The following CRPPA variants were observed in gnomAD, a reference collection of about 807,000 sequenced individuals.
CRPPA encodes CDP-L-ribitol pyrophosphorylase A, also known as D-ribitol-5-phosphate cytidylyltransferase.
Under a neutral mutation model 52.0 loss-of-function variants are expected in CRPPA, and 43 were observed. The observed-to-expected ratio is 0.83, with a 90% CI of 0.65 to 1.07. The LOEUF (loss-of-function observed/expected upper bound fraction) is 1.07, where lower values mean the gene tolerates loss of function less well. Among genes scored for constraint, CRPPA ranks in the 50% least tolerant of loss-of-function variants. CRPPA has a pLI of 0.00. For missense variants in CRPPA, 629 were observed against 551.7 expected (o/e 1.14, Z -1.40); for synonymous variants, 250 against 203.5 (o/e 1.23, Z -1.94).
chr7:16,262,203 T>A (rs1236759082), intron 6 of CRPPA: 2 of 152,166 alleles, frequency 1.3e-5, no homozygotes, highest in Non-Finnish European at 1.5e-5. Flanking sequence ...TCTGAAGAAT[T>A]TATTTATTTT....
rs76784778 is a variant in CRPPA, at chr7:16,167,770, C to T, written c.1251+48296G>A. Among the ~76,000 whole-genome samples, 36 of 152,314 alleles carry T rather than the reference C, an allele frequency of 2.4e-4. No individual in the cohort carries two copies. The East Asian group carries it at 6.7e-3, about 29-fold the overall frequency. ...TCCGCCTCAGGGCTCTTCCCTCTGC[C>T]TAAATATTTCTTTCCCATCTATTTA... On this transcript the variant is annotated intron_variant, in intron 9 of 9. Transcript: ENST00000407010.
At chr7:16,289,280 A>T (rs1298391481) in intron 5 of CRPPA, among the ~76,000 whole-genome samples, 1 of 152,198 alleles carries the variant, frequency 6.6e-6, no homozygotes, top group Non-Finnish European at 1.5e-5. Context: ...AAACATATCA[A>T]GAAGAACTGA....
At position 16,087,634 on chromosome 7, in the gene CRPPA, C is replaced by T. The variant is rs976350662; in HGVS notation, c.*4061G>A. The T allele has an allele frequency of 2.6e-5, 4 of 151,976 alleles. No individual in the cohort carries two copies. The highest frequency in any genetic ancestry group is 7.2e-5 in the African/African-American group (3 of 41,430). 9.4% of individuals were successfully genotyped at this position (151,976 alleles called of 1,614,324 possible). On this transcript the variant is annotated 3_prime_UTR_variant, in exon 10 of 10. Transcript: ENST00000407010. Reference sequence around the variant, plus strand: ...CTTAAAAATATGCATATGCTTCTTACAATTTTGAAACTGAAATTAATAAGA... The same window carrying T: ...CTTAAAAATATGCATATGCTTCTTATAATTTTGAAACTGAAATTAATAAGA...
chr7:16,183,780 G>A (rs904851830), intron 9 of CRPPA, among the ~76,000 whole-genome samples: 5 of 152,074 alleles, frequency 3.3e-5, no homozygotes, highest in Non-Finnish European at 7.4e-5. Flanking sequence ...TCAAAGGAAG[G>A]TGCCTAAGAG....
At chr7:16,391,328 C>T (rs990659908) in intron 2 of CRPPA, among the ~76,000 whole-genome samples, 1 of 152,148 alleles carries the variant, frequency 6.6e-6, no homozygotes, top group Non-Finnish European at 1.5e-5. Context: ...TCCCTGTCAA[C>T]TTCAAAGTAT....
intron 2 of CRPPA, among the ~76,000 whole-genome samples, chr7:16,397,887 G>T (rs1787653233): frequency 6.6e-6 from 1 of 152,072 alleles, no homozygotes; most frequent in African/African-American, 2.4e-5. Context: ...CGTGACCAAC[G>T]TGTGACCAAA....
chr7:16,339,169 A>G (rs1267736882), intron 3 of CRPPA, among the ~76,000 whole-genome samples: 1 of 152,172 alleles, frequency 6.6e-6, no homozygotes, highest in African/African-American at 2.4e-5. Context: ...CTATCAAAGC[A>G]GAGGGAATAC....
intron 9 of CRPPA, among the ~76,000 whole-genome samples, chr7:16,131,048 C>T (rs1782671634): frequency 6.6e-6 from 1 of 152,218 alleles, no homozygotes; most frequent in Non-Finnish European, 1.5e-5. Flanking sequence ...TTGCCAGTTT[C>T]TACAACTGTG....
chr7:16,264,719 T>C (rs1271207350), intron 6 of CRPPA, among the ~76,000 whole-genome samples: 6 of 152,212 alleles, frequency 3.9e-5, no homozygotes, highest in Non-Finnish European at 5.9e-5. Flanking sequence ...AAGTGACTTG[T>C]AGAGAGATGT....
chr7:16,413,618 T>G (rs1562692325), intron 1 of CRPPA, among the ~76,000 whole-genome samples: 2 of 152,228 alleles, frequency 1.3e-5, no homozygotes, highest in African/African-American at 4.8e-5. Flanking sequence ...TGGACTAACA[T>G]TTATATCTTT....
At chr7:16,170,593 AC>A (rs1781160081) in intron 9 of CRPPA, among the ~76,000 whole-genome samples, 1 of 152,206 alleles carries the variant, frequency 6.6e-6, no homozygotes. Context: ...GTGGAAGAGA[AC>A]CCAAGTGGGT....
At chr7:16,120,007 C>A (rs1782451058) in intron 9 of CRPPA, among the ~76,000 whole-genome samples, 1 of 152,084 alleles carries the variant, frequency 6.6e-6, no homozygotes, top group Admixed American at 6.6e-5. Flanking sequence ...GGAAGTCAAG[C>A]TGGCAAGGAG....
chr7:16,359,617 C>T lies in CRPPA; in HGVS notation c.684+16475G>A, dbSNP rs76096626. Among the ~76,000 whole-genome samples the T allele has an allele frequency of 5.9e-3, 902 of 152,268 alleles. 8 individuals are homozygous for T. The highest frequency in any genetic ancestry group is 0.02 in the African/African-American group (824 of 41,546). ...TTAAGATGCAGATTCTTAAAGATTA[C>T]GATATGCCTTTCAGTTAATTTTTAT... On this transcript the variant is annotated intron_variant, in intron 3 of 9. Transcript: ENST00000407010.
At chr7:16,105,304 G>A (rs1188978265) in intron 9 of CRPPA, among the ~76,000 whole-genome samples, 1 of 152,174 alleles carries the variant, frequency 6.6e-6, no homozygotes, top group African/African-American at 2.4e-5. Flanking sequence ...AATGAGAAAG[G>A]TAAGAAGAAT....
chr7:16,379,809 A>C (rs1184549158), intron 2 of CRPPA, among the ~76,000 whole-genome samples: 6 of 152,170 alleles, frequency 3.9e-5, no homozygotes, highest in Admixed American at 2.0e-4. Flanking sequence ...TTGATGTATA[A>C]GAATGCTTGT....
chr7:16,244,225 T>C (rs1385641417), intron 8 of CRPPA, among the ~76,000 whole-genome samples: 1 of 152,178 alleles, frequency 6.6e-6, no homozygotes, highest in East Asian at 1.9e-4. Context: ...CAATTTATCT[T>C]AGCTAACAAA....
At chr7:16,167,021 C>CG (rs1781081634) in intron 9 of CRPPA, among the ~76,000 whole-genome samples, 3 of 151,628 alleles carry the variant, frequency 2.0e-5, no homozygotes, top group Non-Finnish European at 4.4e-5. Flanking sequence ...CTCTGCCTCC[C>CG]GGGTTCACAC....
intron 9 of CRPPA, among the ~76,000 whole-genome samples, chr7:16,109,442 A>T (rs73071825): frequency 0.28 from 42,934 of 151,772 alleles, 7,661 homozygotes; most frequent in Admixed American, 0.39. Flanking sequence ...GGAAAAGTCT[A>T]GGACCTGAGG....
chr7:16,197,660 A>G (rs1407230235), intron 9 of CRPPA, among the ~76,000 whole-genome samples: 2 of 151,386 alleles, frequency 1.3e-5, no homozygotes, highest in Non-Finnish European at 2.9e-5. Context: ...AATATAAAGT[A>G]GTAAGAACTG....
Sources: gnomAD v4.1 joint callset for allele counts (sites outside exome capture counted in the v4.1 genomes callset) on GRCh38, gnomAD v4.1.1 for gene constraint, MANE v1.5 for transcripts, NCBI Gene and HGNC (gene_info 2026-07-23, HGNC 2026-07-21) for gene names.